Variants in CD84 observed in about 807,000 individuals in gnomAD.
CD84 encodes the protein SLAM family member 5.
CD84 carries 22 observed loss-of-function variants against 33.8 expected under a neutral mutation model. The observed-to-expected ratio is 0.65, with a 90% confidence interval of 0.46 to 0.93. The LOEUF (loss-of-function observed/expected upper bound fraction) is 0.93, where lower values mean the gene tolerates loss of function less well. Ranked by LOEUF, CD84 falls within the 40% of genes least tolerant of loss-of-function variation. The pLI, the probability that CD84 is intolerant of heterozygous loss-of-function variation, is 0.00. For missense variants in CD84, 400 were observed against 397.6 expected, an observed-to-expected ratio of 1.01 and a Z score of -0.05; for synonymous variants, 154 against 145.2, an observed-to-expected ratio of 1.06 and a Z score of -0.44.
At chr1:160,553,562 T>G in intron 3 of CD84, 65 bp from the exon 4 acceptor site, 2 of 1,591,378 alleles carry the variant, frequency 1.3e-6, no homozygotes, top group Non-Finnish European at 1.7e-6. Context: ...TGGGCAGGTT[T>G]GCCCACAGTC....
chr1:160,553,520 G>A, intron 3 of CD84, 23 bp from the exon 4 acceptor site: 2 of 1,613,712 alleles, frequency 1.2e-6, no homozygotes, highest in South Asian at 1.1e-5. Context: ...GATGCAGTGA[G>A]TCTTGATTCT....
chr1:160,571,515 C>A (rs991093694), intron 1 of CD84: 1 of 152,004 alleles, frequency 6.6e-6, no homozygotes, highest in Non-Finnish European at 1.5e-5. Context: ...TAAGACAACT[C>A]GATGGAAGGC....
chr1:160,565,025 G>A (rs1449515452), intron 2 of CD84, among the ~76,000 whole-genome samples: 2 of 152,162 alleles, frequency 1.3e-5, no homozygotes, highest in African/African-American at 2.4e-5. Context: ...GAACCTCCCT[G>A]TATATTTATT....
rs751980428 is a variant in CD84 at position 160,543,404 on chromosome 1, G to A, written c.*4852C>T. The A allele has an allele frequency of 6.6e-6, 1 of 152,062 alleles. No individual in the cohort carries two copies. The highest frequency in any genetic ancestry group is 1.9e-4 in the East Asian group (1 of 5,202). The allele number at this position is 152,062 out of a possible 1,614,324, so 9.4% of individuals were successfully genotyped here. ...ACAAGAAGTCTTGAATTCAAATACT[G>A]TCTTCCCAGCTTTCCAGATTTGCCA... On this transcript the variant is annotated 3_prime_UTR_variant, in exon 7 of 7. Transcript: ENST00000368054.
At chr1:160,553,765 G>C (rs1656406920) in intron 3 of CD84, 130 bp downstream of exon 3, 30 of 1,415,286 alleles carry the variant, frequency 2.1e-5, no homozygotes, top group Non-Finnish European at 2.9e-5. Flanking sequence ...CTTGGGAGGT[G>C]ATGCCCTCAG....
chr1:160,548,145 G>T lies in CD84; in HGVS notation c.*111C>A, dbSNP rs959222229. On this transcript the variant is annotated 3_prime_UTR_variant, in exon 7 of 7. Transcript: ENST00000368054. ...TGCTTTGCTTACAGGCTGAGATGTG[G>T]CAGTTTGCAATCTCCCAGTAAGAGT... is the stretch of plus-strand genomic sequence containing the variant. 7 of 1,118,706 alleles carry T rather than the reference G, an allele frequency of 6.3e-6. No homozygotes were observed. The Admixed American group carries it at 7.5e-5, about 12-fold the overall frequency. 69.3% of individuals were successfully genotyped at this position (1,118,706 alleles called of 1,614,324 possible).
rs146076111 is a variant in CD84, at chr1:160,569,181, T to C, written c.47-3436A>G. The stretch of plus-strand genomic sequence containing the variant: ...GTGATGCCGGGGCCATACTGGAGCA[T>C]ATATCAAAAGCCATTTTTAAGGGCT... On this transcript the variant is annotated intron_variant, in intron 1 of 6. Transcript: ENST00000368054. Among the ~76,000 whole-genome samples, 11 of 152,320 alleles carry C rather than the reference T, an allele frequency of 7.2e-5. No homozygotes were observed. The East Asian group carries it at 1.4e-3, about 19-fold the overall frequency.
Position 160,554,129 on chromosome 1 carries a change from T to C in CD84, c.406A>G (p.Lys136Glu), listed in dbSNP as rs767937998. The C allele has an allele frequency of 1.2e-6, 2 of 1,612,848 alleles. No homozygotes were observed. Among genetic ancestry groups the C allele is most frequent in the Admixed American group, 3.3e-5 (2 of 59,998 alleles). The part of the protein sequence containing the change: ...LQIYRRLGKP[K>E]ITQSLMASVN... ...GATGCCATTAAACTCTGTGTAATTT[T>C]TGGTTTCCCAAGCCGACCTGTGGGG... Residue 136 changes from lysine (K) to glutamate (E), a missense_variant, in exon 3 of 7, where the codon AAA becomes GAA. By Grantham distance (56) the Lys-to-Glu change is moderately conservative. Transcript: ENST00000368054.
intron 2 of CD84, among the ~76,000 whole-genome samples, chr1:160,555,035 T>C (rs1300238070): frequency 6.6e-6 from 1 of 151,606 alleles, no homozygotes; most frequent in African/African-American, 2.4e-5. Flanking sequence ...CACACCCAAT[T>C]AAGAGCTAAT....
At chr1:160,551,057 A>G (rs1446055262) in intron 4 of CD84, 22 bp from the exon 5 acceptor site, 2 of 1,560,818 alleles carry the variant, frequency 1.3e-6, no homozygotes, top group Admixed American at 3.3e-5. Flanking sequence ...ATAAATATAG[A>G]CCCACAGTCT....
In CD84 at chr1:160,554,758, C is replaced by T. The variant is rs139796787; in HGVS notation, c.389-612G>A. Among the ~76,000 whole-genome samples, 49 of 152,152 alleles carry T rather than the reference C, an allele frequency of 3.2e-4. No individual in the cohort carries two copies. In the East Asian group the frequency reaches 7.3e-3, roughly 23 times the overall value. On this transcript the variant is annotated intron_variant, in intron 2 of 6. Transcript: ENST00000368054. ...ATTTAACTGAAATGAAAATATCAAC[C>T]GATGTTTGTGTTGGAACTATACTCA...
chr1:160,570,951 TGACAGCTGGATCTTA>T (rs1657655159), intron 1 of CD84: 1 of 152,170 alleles, frequency 6.6e-6, no homozygotes, highest in South Asian at 2.1e-4. Context: ...CAGAAGGTCA[TGACAGCTGGATCTTA>T]GACAGACATT....
At chr1:160,572,884 G>A (rs11265437) in intron 1 of CD84, among the ~76,000 whole-genome samples, 122,685 of 152,062 alleles carry the variant, frequency 0.81, 50,825 homozygotes, top group Non-Finnish European at 0.92. Flanking sequence ...AGGGAGCCCA[G>A]GACTCAGGGA....
At position 160,543,895 on chromosome 1, in the gene CD84, C is replaced by T. The variant is rs991677133; in HGVS notation, c.*4361G>A. 22 of 152,102 alleles carry T rather than the reference C, an allele frequency of 1.4e-4. No homozygotes were observed. Among genetic ancestry groups the T allele is most frequent in the African/African-American group, 5.3e-4 (22 of 41,504 alleles). 9.4% of individuals were successfully genotyped at this position (152,102 alleles called of 1,614,324 possible). A position where few individuals can be genotyped will look rare whatever the true frequency, so the allele number is the denominator to read the frequency against. On this transcript the variant is annotated 3_prime_UTR_variant, in exon 7 of 7. Transcript: ENST00000368054. ...CTAGAACAGCTTATAAAAAATTTCC[C>T]GAACTTTGCCATGCACAGGCACATT...
At chr1:160,559,777 T>C (rs756155659) in intron 2 of CD84, among the ~76,000 whole-genome samples, 29 of 151,862 alleles carry the variant, frequency 1.9e-4, no homozygotes, top group Non-Finnish European at 3.5e-4. Flanking sequence ...AATAAAGGGA[T>C]AGGGAAAAAT....
At position 160,546,904 on chromosome 1, in the gene CD84, G is replaced by A. The variant is rs145449520; in HGVS notation, c.*1352C>T. Reference sequence around the variant, plus strand: ...GCTAATGGTAGTTGGTGCTAGATGAGTCTATGGATTCATTTACTGGGACTG... The same window carrying A: ...GCTAATGGTAGTTGGTGCTAGATGAATCTATGGATTCATTTACTGGGACTG... On this transcript the variant is annotated 3_prime_UTR_variant, in exon 7 of 7. Transcript: ENST00000368054. 198 of 383,980 alleles carry A rather than the reference G, an allele frequency of 5.2e-4. No individual in the cohort carries two copies. Among genetic ancestry groups the A allele is most frequent in the Non-Finnish European group, 8.3e-4 (180 of 217,228 alleles). 23.8% of individuals were successfully genotyped at this position (383,980 alleles called of 1,614,324 possible). A position where few individuals can be genotyped will look rare whatever the true frequency, so the allele number is the denominator to read the frequency against.
chr1:160,578,692 C>A (rs1353082431), intron 1 of CD84, among the ~76,000 whole-genome samples: 5 of 152,152 alleles, frequency 3.3e-5, no homozygotes, highest in Admixed American at 6.6e-5. Flanking sequence ...GTTAATGTTA[C>A]AATTTTCTTT....
intron 2 of CD84, among the ~76,000 whole-genome samples, chr1:160,554,697 A>C (rs1192367183): frequency 6.6e-6 from 1 of 152,212 alleles, no homozygotes; most frequent in East Asian, 1.9e-4. Flanking sequence ...TGAAGCTCCA[A>C]TATATATGTC....
At chr1:160,559,614 C>A (rs1656823985) in intron 2 of CD84, among the ~76,000 whole-genome samples, 2 of 152,162 alleles carry the variant, frequency 1.3e-5, no homozygotes, top group Non-Finnish European at 2.9e-5. Context: ...ATGACACGAT[C>A]AAATTCACAC....
Sources: allele counts gnomAD v4.1 joint callset (sites outside exome capture counted in the v4.1 genomes callset), GRCh38; gene constraint gnomAD v4.1.1; transcripts MANE v1.5; gene names NCBI Gene and HGNC (gene_info 2026-07-23, HGNC 2026-07-21).